The following CORO2A variants were observed in gnomAD, a reference collection of about 807,000 sequenced individuals.
The protein encoded by CORO2A is coronin-2A.
In CORO2A, 47 loss-of-function variants were observed where a neutral mutation model predicts 62.4. The observed-to-expected ratio is 0.75, with a 90% CI of 0.60 to 0.96. The LOEUF is 0.96. Among genes scored for constraint, CORO2A ranks in the 40% least tolerant of loss-of-function variants. The probability of loss-of-function intolerance (pLI) is 0.00; values close to 1 mark genes in which losing one functional copy is unlikely to be tolerated. For missense variants in CORO2A, 610 were observed against 684.1 expected (o/e 0.89, Z 1.21); for synonymous variants, 273 against 268.9 (o/e 1.02, Z -0.15).
chr9:98,129,580 C>A (rs570049270), intron 8 of CORO2A, among the ~76,000 whole-genome samples: 2 of 152,304 alleles, frequency 1.3e-5, no homozygotes, highest in African/African-American at 4.8e-5. Flanking sequence ...AATGTTGCCT[C>A]CTCTGAGAAG....
intron 4 of CORO2A, among the ~76,000 whole-genome samples, chr9:98,133,705 G>GA (rs1827443467): frequency 6.6e-6 from 1 of 152,164 alleles, no homozygotes; most frequent in African/African-American, 2.4e-5. Flanking sequence ...AAACAGATGA[G>GA]AAAGCGCTGT....
chr9:98,155,992 T>C (rs569143402), intron 2 of CORO2A, among the ~76,000 whole-genome samples: 1 of 152,172 alleles, frequency 6.6e-6, no homozygotes, highest in Non-Finnish European at 1.5e-5. Context: ...GATTTTTGCT[T>C]TTTATTATCT....
At chr9:98,170,853 C>T (rs1318638417) in intron 1 of CORO2A, among the ~76,000 whole-genome samples, 1 of 152,212 alleles carries the variant, frequency 6.6e-6, no homozygotes, top group Non-Finnish European at 1.5e-5. Context: ...GCCCTGCCCA[C>T]CTGTTAGGAC....
intron 1 of CORO2A, among the ~76,000 whole-genome samples, chr9:98,176,833 C>T (rs145825818): frequency 1.2e-4 from 18 of 152,284 alleles, no homozygotes; most frequent in South Asian, 4.1e-4. Flanking sequence ...GGAGTCAGCA[C>T]GCCAAAGGCC....
At chr9:98,142,489 C>A (rs1272257055) in intron 2 of CORO2A, among the ~76,000 whole-genome samples, 2 of 152,316 alleles carry the variant, frequency 1.3e-5, no homozygotes, top group African/African-American at 4.8e-5. Context: ...ATGAGCAGTA[C>A]TGTGTCTTTG....
intron 1 of CORO2A, among the ~76,000 whole-genome samples, chr9:98,168,877 T>A (rs557806085): frequency 9.9e-5 from 15 of 152,274 alleles, no homozygotes; most frequent in African/African-American, 3.6e-4. Flanking sequence ...GACACACACA[T>A]GCAGAAGGCT....
intron 8 of CORO2A, among the ~76,000 whole-genome samples, chr9:98,129,208 T>C (rs1441715193): frequency 6.6e-6 from 1 of 152,166 alleles, no homozygotes; most frequent in Non-Finnish European, 1.5e-5. Context: ...GCTGAACTTT[T>C]ATAGGCAGTT....
chr9:98,146,352 C>T (rs1348263101), intron 2 of CORO2A, among the ~76,000 whole-genome samples: 3 of 152,138 alleles, frequency 2.0e-5, no homozygotes, highest in Non-Finnish European at 2.9e-5. Flanking sequence ...CTGCAGGTTG[C>T]GAAACTCACC....
chr9:98,121,101 A>G lies in CORO2A; in HGVS notation c.*3673T>C, dbSNP rs1001514425. On this transcript the variant is annotated 3_prime_UTR_variant, in exon 12 of 12. Coordinates refer to ENST00000375077, the MANE Select transcript of CORO2A (RefSeq NM_052820.4). Reference sequence around the variant, plus strand: ...CAAAGGTACAAGGAATTTCAGAAACAACATTAAAACAATCATTCAAACTGT... The same window carrying G: ...CAAAGGTACAAGGAATTTCAGAAACGACATTAAAACAATCATTCAAACTGT... The G allele has an allele frequency of 1.5e-4, 23 of 152,364 alleles. No individual in the cohort carries two copies. The highest frequency in any genetic ancestry group is 5.0e-4 in the African/African-American group (21 of 41,590). The allele number at this position is 152,364 out of a possible 1,614,324, so 9.4% of individuals were successfully genotyped here. A position where few individuals can be genotyped will look rare whatever the true frequency, so the allele number is the denominator to read the frequency against.
At chr9:98,142,413 C>G (rs1014049851) in intron 2 of CORO2A, among the ~76,000 whole-genome samples, 1 of 152,268 alleles carries the variant, frequency 6.6e-6, no homozygotes, top group Non-Finnish European at 1.5e-5. Flanking sequence ...CTGTGAGTCC[C>G]TGCCCTGGCC....
chr9:98,187,805 A>C (rs961095894), intron 1 of CORO2A, among the ~76,000 whole-genome samples: 2 of 152,240 alleles, frequency 1.3e-5, no homozygotes, highest in Non-Finnish European at 2.9e-5. Flanking sequence ...GCAATCTCGC[A>C]GGAATCACAC....
intron 3 of CORO2A, among the ~76,000 whole-genome samples, 182 bp from the exon 4 acceptor site, chr9:98,135,137 C>G (rs1226812700): frequency 1.3e-5 from 2 of 152,190 alleles, no homozygotes; most frequent in Non-Finnish European, 2.9e-5. Context: ...GGTCCTCAGA[C>G]AGACAGGGGC....
chr9:98,170,012 C>G (rs1293557037), intron 1 of CORO2A, among the ~76,000 whole-genome samples: 4 of 152,218 alleles, frequency 2.6e-5, no homozygotes, highest in African/African-American at 9.6e-5. Context: ...GCACCAAGTT[C>G]AAGCCCTGGA....
intron 2 of CORO2A, among the ~76,000 whole-genome samples, chr9:98,146,324 A>G (rs1827643492): frequency 6.6e-6 from 1 of 152,168 alleles, no homozygotes. Flanking sequence ...CCCTGAGTAC[A>G]GTCCCTGGTT....
intron 2 of CORO2A, among the ~76,000 whole-genome samples, chr9:98,139,303 G>T (rs1827535469): frequency 6.6e-6 from 1 of 151,854 alleles, no homozygotes; most frequent in African/African-American, 2.4e-5. Context: ...TTCCAACATG[G>T]CAACAGGACA....
chr9:98,154,273 T>C (rs1385026553), intron 2 of CORO2A, among the ~76,000 whole-genome samples: 1 of 145,458 alleles, frequency 6.9e-6, no homozygotes, highest in Non-Finnish European at 1.5e-5. Flanking sequence ...TTGAAAGTTT[T>C]GTAGGATTTA....
At position 98,133,146 on chromosome 9, in the gene CORO2A, T is replaced by C; in HGVS notation, c.540A>G (p.Gln180=). ...TSPMSTISCH[Q]DVILSMSFNT... ...TGAAGGACATGGAGAGGATCACATC[T>C]TGGTGACAGCTAATCGTACTCATGG... The change falls in exon 5 of 12, where the codon CAA becomes CAG. Residue 180 remains glutamine, a synonymous_variant. Coordinates refer to ENST00000375077, the MANE Select transcript of CORO2A (RefSeq NM_052820.4). 6.2e-7 allele frequency: 1 copy of C among 1,614,240 alleles called. No individual in the cohort carries two copies. Among genetic ancestry groups the C allele is most frequent in the Non-Finnish European group, 8.5e-7 (1 of 1,180,044 alleles).
At chr9:98,154,972 T>C (rs904097591) in intron 2 of CORO2A, among the ~76,000 whole-genome samples, 2 of 152,246 alleles carry the variant, frequency 1.3e-5, no homozygotes, top group South Asian at 4.1e-4. Flanking sequence ...TTGGTATTTC[T>C]GGGTCACAGG....
intron 2 of CORO2A, among the ~76,000 whole-genome samples, chr9:98,149,547 C>T (rs1275872274): frequency 6.6e-6 from 1 of 152,248 alleles, no homozygotes; most frequent in African/African-American, 2.4e-5. Context: ...TGCAGGGGAG[C>T]TTCCAATCAT....
Sources: gnomAD v4.1 joint callset for allele counts (sites outside exome capture counted in the v4.1 genomes callset) on GRCh38, gnomAD v4.1.1 for gene constraint, MANE v1.5 for transcripts, NCBI Gene and HGNC (gene_info 2026-07-23, HGNC 2026-07-21) for gene names.